GRIA4: variants seen among roughly 807,000 people sequenced by gnomAD.
GRIA4 encodes the protein glutamate ionotropic receptor AMPA type subunit 4.
Under a neutral mutation model 104.0 loss-of-function variants are expected in GRIA4, and 34 were observed. That is an observed-to-expected ratio of 0.33 (90% CI 0.25 to 0.44). The LOEUF is 0.44. GRIA4 is among the 20% of genes least tolerant of loss of function. The pLI is 1.00. For synonymous variants in GRIA4, 386 were observed against 381.9 expected, an observed-to-expected ratio of 1.01 and a Z score of -0.13; for missense variants, 750 against 1,096.5, an observed-to-expected ratio of 0.68 and a Z score of 4.46.
intron 4 of GRIA4, among the ~76,000 whole-genome samples, chr11:105,782,250 A>ATGTGTTAATGT (rs1941761712): frequency 4.6e-5 from 7 of 152,210 alleles, no homozygotes; most frequent in Admixed American, 3.3e-4. Context: ...ATCAGTGTTA[A>ATGTGTTAATGT]CTTTTTAATG....
intron 3 of GRIA4, among the ~76,000 whole-genome samples, chr11:105,722,669 A>C (rs1373807457): frequency 6.6e-6 from 1 of 152,140 alleles, no homozygotes; most frequent in African/African-American, 2.4e-5. Flanking sequence ...TCTAAGGTTA[A>C]AATGGTAAAA....
At chr11:105,818,056 A>G (rs1376818277) in intron 4 of GRIA4, among the ~76,000 whole-genome samples, 5 of 152,180 alleles carry the variant, frequency 3.3e-5, no homozygotes, top group African/African-American at 1.2e-4. Context: ...ACAAAGGAGA[A>G]TGAACATTGC....
At chr11:105,632,462 A>T (rs76884611) in intron 3 of GRIA4, among the ~76,000 whole-genome samples, 2,211 of 152,258 alleles carry the variant, frequency 0.015, 56 homozygotes, top group African/African-American at 0.05. Context: ...AGAAGAGCAT[A>T]GCCTCTGCAG....
intron 4 of GRIA4, among the ~76,000 whole-genome samples, chr11:105,782,362 C>T (rs1591247941): frequency 6.6e-6 from 1 of 152,200 alleles, no homozygotes; most frequent in East Asian, 1.9e-4. Flanking sequence ...CTAAGAAATC[C>T]TCAGCTTCTC....
intron 1 of GRIA4, 38 bp from the exon 2 acceptor site, chr11:105,610,870 C>CCTTTTTTTTTTTTTTTTTTTTTTTTTT (rs1950455636): frequency 3.0e-6 from 1 of 330,396 alleles, no homozygotes; most frequent in African/African-American, 2.7e-5. Context: ...TCTTTCTTTT[C>CCTTTTTTTTTTTTTTTTTTTTTTTTTT]TTTTTTTTTT....
chr11:105,734,084 CAT>C (rs200363476), intron 3 of GRIA4, among the ~76,000 whole-genome samples: 8 of 145,136 alleles, frequency 5.5e-5, no homozygotes, highest in South Asian at 2.1e-4. Flanking sequence ...ATATTTTATA[CAT>C]ATATATATAT....
At chr11:105,904,021 T>C (rs1157922098) in intron 8 of GRIA4, 40 bp downstream of exon 8, 2 of 1,404,778 alleles carry the variant, frequency 1.4e-6, no homozygotes, top group Admixed American at 3.9e-5. Context: ...CATTTCATGG[T>C]CTTGTTTTAA....
At chr11:105,721,502 A>G (rs1937817173) in intron 3 of GRIA4, among the ~76,000 whole-genome samples, 1 of 152,152 alleles carries the variant, frequency 6.6e-6, no homozygotes, top group African/African-American at 2.4e-5. Flanking sequence ...CTGAGCCTGG[A>G]CTCAAACAAA....
chr11:105,839,180 C>G (rs1944299254), intron 4 of GRIA4, among the ~76,000 whole-genome samples: 1 of 152,086 alleles, frequency 6.6e-6, no homozygotes, highest in African/African-American at 2.4e-5. Context: ...GAAAATGAGA[C>G]AGGATATTGT....
At chr11:105,663,771 C>A (rs138501783) in intron 3 of GRIA4, among the ~76,000 whole-genome samples, 1 of 151,890 alleles carries the variant, frequency 6.6e-6, no homozygotes, top group South Asian at 2.1e-4. Flanking sequence ...GGGTCCATTT[C>A]GAAGATGACA....
chr11:105,631,920 T>C (rs1266493275), intron 3 of GRIA4, among the ~76,000 whole-genome samples: 1 of 152,058 alleles, frequency 6.6e-6, no homozygotes, highest in Middle Eastern at 3.4e-3. Context: ...AGGAGGGGTA[T>C]AAAAGAGTGT....
At chr11:105,628,494 TCTC>T (rs556652669) in intron 3 of GRIA4, among the ~76,000 whole-genome samples, 2 of 152,210 alleles carry the variant, frequency 1.3e-5, no homozygotes, top group South Asian at 4.2e-4. Context: ...GTAAGTGAGT[TCTC>T]CTGAGATCTG....
intron 3 of GRIA4, among the ~76,000 whole-genome samples, chr11:105,676,694 T>C (rs1388010673): frequency 6.6e-6 from 1 of 151,722 alleles, no homozygotes; most frequent in African/African-American, 2.4e-5. Flanking sequence ...TAGTGTAATA[T>C]TTGTATAATT....
intron 3 of GRIA4, among the ~76,000 whole-genome samples, chr11:105,727,043 A>C (rs1169131007): frequency 6.6e-6 from 1 of 152,042 alleles, no homozygotes; most frequent in Non-Finnish European, 1.5e-5. Context: ...AGTTTGACAA[A>C]TTGACAGAAG....
At chr11:105,657,774 T>C (rs972667078) in intron 3 of GRIA4, among the ~76,000 whole-genome samples, 4 of 151,944 alleles carry the variant, frequency 2.6e-5, no homozygotes, top group Admixed American at 6.6e-5. Context: ...GATAGTACAA[T>C]GTACTTTGTA....
intron 4 of GRIA4, among the ~76,000 whole-genome samples, chr11:105,794,469 G>GTGTGTATA (rs1427661928): frequency 9.8e-5 from 4 of 40,768 alleles, no homozygotes; most frequent in Non-Finnish European, 1.5e-4. Context: ...GTGTGTATAT[G>GTGTGTATA]TATGTATATA....
intron 4 of GRIA4, among the ~76,000 whole-genome samples, chr11:105,783,613 C>T (rs901503212): frequency 2.6e-5 from 4 of 152,186 alleles, no homozygotes; most frequent in Non-Finnish European, 5.9e-5. Flanking sequence ...TTCTTCCTAA[C>T]ATAGTTGACA....
At chr11:105,715,420 T>C (rs1433283212) in intron 3 of GRIA4, among the ~76,000 whole-genome samples, 3 of 152,180 alleles carry the variant, frequency 2.0e-5, no homozygotes, top group East Asian at 1.9e-4. Context: ...TATGTAACTG[T>C]CTATGTTTCC....
At chr11:105,814,754 A>G (rs899766065) in intron 4 of GRIA4, among the ~76,000 whole-genome samples, 4 of 152,242 alleles carry the variant, frequency 2.6e-5, no homozygotes, top group Admixed American at 2.0e-4. Context: ...ATGCATAGCA[A>G]TTAGTATGAG....
Sources: allele counts gnomAD v4.1 joint callset (sites outside exome capture counted in the v4.1 genomes callset), GRCh38; gene constraint gnomAD v4.1.1; transcripts MANE v1.5; gene names NCBI Gene and HGNC (gene_info 2026-07-23, HGNC 2026-07-21).